HDX: variants seen among roughly 807,000 people sequenced by gnomAD.
HDX encodes the protein chromosome X open reading frame 43.
Under a neutral mutation model 45.2 loss-of-function variants are expected in HDX, and 19 were observed. The observed-to-expected ratio is 0.42, with a 90% CI of 0.29 to 0.62. The LOEUF is 0.62. HDX is among the 20% of genes least tolerant of loss of function. The pLI is 0.20. For missense variants in HDX, 532 were observed against 493.9 expected, an observed-to-expected ratio of 1.08 and a Z score of -0.73; for synonymous variants, 188 against 172.8, an observed-to-expected ratio of 1.09 and a Z score of -0.69.
chrX:84,333,642 GA>G (rs1352219102), intron 9 of HDX, 116 bp downstream of exon 9: 1 of 391,205 alleles, frequency 2.6e-6, no homozygotes, highest in Non-Finnish European at 4.6e-6. Context: ...TAGCCAGAAA[GA>G]ATTAATGCAG....
chrX:84,409,462 TG>T (rs2038928565), intron 5 of HDX, among the ~76,000 whole-genome samples: 1 of 109,885 alleles, frequency 9.1e-6, no homozygotes, highest in South Asian at 4.0e-4. Context: ...AGCAAAGACT[TG>T]GAACCAACCC....
At chrX:84,422,130 A>T (rs1350612837) in intron 5 of HDX, among the ~76,000 whole-genome samples, 1 of 112,173 alleles carries the variant, frequency 8.9e-6, no homozygotes, top group African/African-American at 3.2e-5. Flanking sequence ...AAGAACAGCC[A>T]TATGAACAGT....
intron 5 of HDX, among the ~76,000 whole-genome samples, chrX:84,369,720 C>T (rs866779058): frequency 2.4e-4 from 27 of 112,204 alleles, no homozygotes; most frequent in Admixed American, 3.8e-4. Context: ...TCTTTCTATA[C>T]GCTTGTTGGC....
intron 5 of HDX, among the ~76,000 whole-genome samples, chrX:84,379,321 G>A (rs1217214377): frequency 9.1e-6 from 1 of 110,116 alleles, no homozygotes; most frequent in Non-Finnish European, 1.9e-5. Context: ...TCATTGGACA[G>A]GTCTTTCAGA....
intron 4 of HDX, among the ~76,000 whole-genome samples, chrX:84,449,875 C>T (rs1387423583): frequency 9.1e-6 from 1 of 110,444 alleles, no homozygotes; most frequent in Non-Finnish European, 1.9e-5. Context: ...CCAAACACCA[C>T]ATGTTCTCAC....
At chrX:84,438,488 C>T (rs2039688148) in intron 5 of HDX, among the ~76,000 whole-genome samples, 1 of 110,062 alleles carries the variant, frequency 9.1e-6, no homozygotes, top group African/African-American at 3.3e-5. Flanking sequence ...AATGATCCCA[C>T]ATCCAGACCA....
At chrX:84,361,174 T>C (rs1240581863) in intron 6 of HDX, among the ~76,000 whole-genome samples, 2 of 111,982 alleles carry the variant, frequency 1.8e-5, no homozygotes, top group Non-Finnish European at 3.8e-5. Flanking sequence ...TTGAACATAA[T>C]TTCAGGTAAA....
intron 5 of HDX, among the ~76,000 whole-genome samples, chrX:84,436,673 T>C (rs894450310): frequency 8.9e-6 from 1 of 112,129 alleles, no homozygotes; most frequent in Non-Finnish European, 1.9e-5. Context: ...GTTATTCCAT[T>C]GTGGTCAGAT....
At chrX:84,340,090 G>A in intron 7 of HDX, among the ~76,000 whole-genome samples, 1 of 110,021 alleles carries the variant, frequency 9.1e-6, no homozygotes, top group Non-Finnish European at 1.9e-5. Context: ...CAGGGAAAGG[G>A]AAAGGAAATG....
chrX:84,477,663 A>C (rs1246144341), intron 2 of HDX, among the ~76,000 whole-genome samples: 1 of 112,099 alleles, frequency 8.9e-6, no homozygotes, highest in African/African-American at 3.2e-5. Context: ...CCACCCTAGC[A>C]ATCTTGGCCT....
chrX:84,393,836 A>C (rs12013632), intron 5 of HDX, among the ~76,000 whole-genome samples: 27,872 of 109,257 alleles, frequency 0.26, 2,668 homozygotes, highest in Non-Finnish European at 0.3. Context: ...CTGATAATCT[A>C]GTATTCCTGT....
At chrX:84,436,367 A>G (rs753642741) in intron 5 of HDX, among the ~76,000 whole-genome samples, 1 of 108,772 alleles carries the variant, frequency 9.2e-6, no homozygotes, top group African/African-American at 3.3e-5. Flanking sequence ...AGCATGGCAC[A>G]TGTACCCTAA....
intron 5 of HDX, among the ~76,000 whole-genome samples, chrX:84,400,568 T>A: frequency 9.1e-6 from 1 of 110,467 alleles, no homozygotes; most frequent in South Asian, 3.8e-4. Flanking sequence ...ACAAACCAAT[T>A]GGAAAACATT....
At chrX:84,370,740 A>G (rs1254486781) in intron 5 of HDX, among the ~76,000 whole-genome samples, 1 of 112,540 alleles carries the variant, frequency 8.9e-6, no homozygotes, top group African/African-American at 3.2e-5. Context: ...TCATACAAAT[A>G]GAAAATTTCT....
intron 1 of HDX, among the ~76,000 whole-genome samples, chrX:84,490,426 G>T (rs1277168165): frequency 9.0e-6 from 1 of 111,056 alleles, no homozygotes; most frequent in Non-Finnish European, 1.9e-5. Context: ...TACACATTTT[G>T]CTTTTACAAA....
intron 5 of HDX, among the ~76,000 whole-genome samples, chrX:84,423,345 C>T (rs915315465): frequency 4.5e-5 from 5 of 110,425 alleles, no homozygotes; most frequent in Non-Finnish European, 9.5e-5. Flanking sequence ...ATGGCTTCAA[C>T]ACTGAATTGT....
intron 4 of HDX, among the ~76,000 whole-genome samples, chrX:84,457,041 A>G (rs2040126577): frequency 8.9e-6 from 1 of 111,812 alleles, no homozygotes; most frequent in African/African-American, 3.2e-5. Context: ...AGTTATTTAC[A>G]AATCATTTCA....
chrX:84,449,524 G>A (rs141921578), intron 4 of HDX, among the ~76,000 whole-genome samples: 1,580 of 111,773 alleles, frequency 0.014, 34 homozygotes, highest in African/African-American at 0.049. Flanking sequence ...TCAAAGAGCT[G>A]AAAGAAAAAC....
chrX:84,359,442 G>A (rs1408229816), intron 6 of HDX, among the ~76,000 whole-genome samples: 4 of 110,689 alleles, frequency 3.6e-5, no homozygotes, highest in African/African-American at 1.3e-4. Context: ...AACATGTGGG[G>A]TTTGGTTTTC....
Sources: allele counts gnomAD v4.1 joint callset (sites outside exome capture counted in the v4.1 genomes callset), GRCh38; gene constraint gnomAD v4.1.1; transcripts MANE v1.5; gene names NCBI Gene and HGNC (gene_info 2026-07-23, HGNC 2026-07-21).